The following OR7D2 variants were observed in gnomAD, a reference collection of about 807,000 sequenced individuals.
OR7D2 encodes olfactory receptor family 7 subfamily D member 2, also known as olfactory receptor 7D2.
For missense variants in OR7D2, 370 were observed against 384.1 expected (o/e 0.96, Z 0.31); for synonymous variants, 158 against 158.7 (o/e 1.00, Z 0.03).
chr19:9,180,003 A>G (rs1375049083), intron 1 of OR7D2, among the ~76,000 whole-genome samples: 1 of 45,728 alleles, frequency 2.2e-5, no homozygotes, highest in Non-Finnish European at 3.8e-5. Context: ...AACTCCGTCT[A>G]AAAAAAAAAA....
rs377039425 is a variant in OR7D2 at position 9,186,690 on chromosome 19, T to A, written c.909T>A (p.Ser303Arg). 43 of 1,611,798 alleles carry A rather than the reference T, an allele frequency of 2.7e-5. No homozygotes were observed. The African/African-American group carries it at 4.0e-4, about 15-fold the overall frequency. Reference protein sequence around the residue: ...RNKDVKGALGSLLSRAASCL With the variant: ...RNKDVKGALGRLLSRAASCL ...AGGATGTGAAGGGAGCCCTGGGGAG[T>A]CTCCTCAGCAGGGCAGCCTCTTGTT... The change falls in exon 3 of 3, where the codon AGT becomes AGA. Residue 303 changes from serine to arginine, a missense_variant. Physicochemically the swap from Ser to Arg is moderately radical, Grantham distance 110. Coordinates refer to ENST00000641288, the MANE Select transcript of OR7D2 (RefSeq NM_175883.4).
chr19:9,186,518 C>T lies in OR7D2; in HGVS notation c.737C>T (p.Ser246Phe), dbSNP rs774801807. The T allele has an allele frequency of 3.1e-6, 5 of 1,613,886 alleles. No homozygotes were observed. In the East Asian group the frequency reaches 8.9e-5, roughly 29 times the overall value. The change falls in exon 3 of 3, where the codon TCC (serine) becomes TTC (phenylalanine). Residue 246 changes from serine (S) to phenylalanine (F), a missense_variant. Ser to Phe is a radical substitution (Grantham distance 155, BLOSUM62 -2). Transcript: ENST00000641288. ...KALSTCGSHL[S>F]VVSLFYGTGI... ...CTTTCCACCTGTGGGTCTCACCTCTCCGTCGTTTCTTTATTTTATGGGACA... is the reference window on the plus strand; with the variant it reads ...CTTTCCACCTGTGGGTCTCACCTCTTCGTCGTTTCTTTATTTTATGGGACA...
chr19:9,187,349 A>G lies in OR7D2; in HGVS notation c.*629A>G, dbSNP rs1440571912. 1 of 166,828 alleles carries G rather than the reference A, an allele frequency of 6.0e-6. No individual in the cohort carries two copies. Among genetic ancestry groups the G allele is most frequent in the Non-Finnish European group, 1.5e-5 (1 of 68,144 alleles). 10.3% of individuals were successfully genotyped at this position (166,828 alleles called of 1,614,324 possible). ...TTTGACTTTGTTTCTTTACTACCTT[A>G]CTTAAGAGAATGGCTTCCAGTCCCA... On this transcript the variant is annotated 3_prime_UTR_variant, in exon 3 of 3. Transcript: ENST00000641288.
Position 9,186,845 on chromosome 19 carries a change from T to A in OR7D2, c.*125T>A. The A allele has an allele frequency of 7.2e-6, 5 of 691,390 alleles. No individual in the cohort carries two copies. The highest frequency in any genetic ancestry group is 9.5e-6 in the Non-Finnish European group (4 of 422,742). The allele number at this position is 691,390 out of a possible 1,614,324, so 42.8% of individuals were successfully genotyped here. On this transcript the variant is annotated 3_prime_UTR_variant, in exon 3 of 3. Coordinates refer to ENST00000641288, the MANE Select transcript of OR7D2 (RefSeq NM_175883.4). The stretch of plus-strand genomic sequence containing the variant: ...ATACTTTGAGAGTACAAATGCAGAT[T>A]TCTTAACATGCATTTGCATAAGGGT...
In OR7D2 at chr19:9,186,228, G is replaced by C; in HGVS notation, c.447G>C (p.Trp149Cys). ...HLCGLLVFVT[W>C]LIGVMTSLLH... is the part of the protein sequence containing the mutation. The stretch of plus-strand genomic sequence containing the variant: ...GTGGCCTCCTGGTTTTTGTCACCTG[G>C]CTCATTGGTGTCATGACATCCCTCC... The change falls in exon 3 of 3, where the codon TGG (tryptophan) becomes TGC (cysteine). Residue 149 changes from tryptophan to cysteine, a missense_variant. Coordinates refer to ENST00000641288, the MANE Select transcript of OR7D2 (RefSeq NM_175883.4). The C allele has an allele frequency of 6.2e-7, 1 of 1,614,014 alleles. No homozygotes were observed. Among genetic ancestry groups the C allele is most frequent in the Non-Finnish European group, 8.5e-7 (1 of 1,179,966 alleles).
At position 9,184,489 on chromosome 19, in the gene OR7D2, A is replaced by T. The variant is rs552582691; in HGVS notation, c.-13-1280A>T. ...AAAATAATAAAATCAAAAAGAAGAAATTTAAAATAAAAGAAATTTAAAATA... is the reference window on the plus strand; with the variant it reads ...AAAATAATAAAATCAAAAAGAAGAATTTTAAAATAAAAGAAATTTAAAATA... On this transcript the variant is annotated intron_variant, in intron 2 of 2. Coordinates refer to ENST00000641288, the MANE Select transcript of OR7D2 (RefSeq NM_175883.4). Among the ~76,000 whole-genome samples, 129 of 140,678 alleles carry T rather than the reference A, an allele frequency of 9.2e-4. 1 individual carries two copies. The highest frequency in any genetic ancestry group is 7.1e-3 in the Middle Eastern group (2 of 280). The allele number at this position is 140,678 out of a possible 152,430, so 92.3% of individuals were successfully genotyped here.
chr19:9,185,630 C>A (rs1599211590), intron 2 of OR7D2, 139 bp from the exon 3 acceptor site: 3 of 454,738 alleles, frequency 6.6e-6, no homozygotes. Context: ...ATTGCCCAGG[C>A]TGGAGTGCAG....
chr19:9,184,553 A>G (rs1483379621), intron 2 of OR7D2, among the ~76,000 whole-genome samples: 1 of 152,196 alleles, frequency 6.6e-6, no homozygotes, highest in Non-Finnish European at 1.5e-5. Flanking sequence ...CCTCCCCTGG[A>G]TATGTATCCA....
chr19:9,182,026 C>A (rs537015362), intron 2 of OR7D2, among the ~76,000 whole-genome samples: 1 of 152,240 alleles, frequency 6.6e-6, no homozygotes, highest in East Asian at 1.9e-4. Flanking sequence ...TTCTAGAATT[C>A]TATTTTGTTT....
intron 2 of OR7D2, chr19:9,182,937 T>A: frequency 2.2e-6 from 1 of 450,304 alleles, no homozygotes; most frequent in Non-Finnish European, 4.4e-6. Flanking sequence ...GTGCCCGATG[T>A]TAATGCACGT....
intron 2 of OR7D2, among the ~76,000 whole-genome samples, chr19:9,182,015 T>G (rs2050992763): frequency 6.6e-6 from 1 of 152,226 alleles, no homozygotes; most frequent in African/African-American, 2.4e-5. Flanking sequence ...GAGAGTCCAT[T>G]TTCTAGAATT....
chr19:9,179,225 T>C lies in OR7D2; in HGVS notation c.-105+102T>C, dbSNP rs148454829. On this transcript the variant is annotated intron_variant, in intron 1 of 2. Transcript: ENST00000641288. ...GAGATGGAGGTAACAGGGTTGATAA[T>C]GTCTCATGATTTTTAAAATGTCTCT... 66 of 151,554 alleles carry C rather than the reference T, an allele frequency of 4.4e-4. 1 individual carries two copies. In the East Asian group the frequency reaches 7.6e-3, roughly 17 times the overall value. The allele number at this position is 151,554 out of a possible 1,614,324, so 9.4% of individuals were successfully genotyped here. A position where few individuals can be genotyped will look rare whatever the true frequency, so the allele number is the denominator to read the frequency against.
chr19:9,183,101 G>C (rs2051002769), intron 2 of OR7D2: 1 of 288,080 alleles, frequency 3.5e-6, no homozygotes, highest in Non-Finnish European at 7.3e-6. Context: ...GTAGTTTCTC[G>C]TCAGGCCCAC....
intron 2 of OR7D2, among the ~76,000 whole-genome samples, chr19:9,184,031 C>A (rs561249092): frequency 1.4e-5 from 2 of 147,120 alleles, no homozygotes; most frequent in Admixed American, 6.8e-5. Flanking sequence ...AAGGGAACCC[C>A]TTGTGCCCTG....
chr19:9,179,156 T>C (rs898522555), intron 1 of OR7D2, 33 bp downstream of exon 1: 8 of 152,104 alleles, frequency 5.3e-5, no homozygotes, highest in African/African-American at 1.7e-4. Context: ...TCCTTGTTAG[T>C]ACCGTGTGTG....
At chr19:9,182,748 C>A (rs1009693477) in intron 2 of OR7D2, 26 of 165,668 alleles carry the variant, frequency 1.6e-4, no homozygotes, top group African/African-American at 5.7e-4. Flanking sequence ...GTCTCGATCT[C>A]CTGACCTGGT....
intron 2 of OR7D2, among the ~76,000 whole-genome samples, chr19:9,185,082 A>G (rs114054909): frequency 0.039 from 5,931 of 152,244 alleles, 161 homozygotes; most frequent in African/African-American, 0.078. Context: ...TAGCAGATAT[A>G]TAGGATAAAC....
At chr19:9,179,849 C>A (rs1021388306) in intron 1 of OR7D2, among the ~76,000 whole-genome samples, 7 of 150,888 alleles carry the variant, frequency 4.6e-5, no homozygotes, top group African/African-American at 1.7e-4. Context: ...ACTAAAAATA[C>A]AAAATTAGCC....
rs1198871441 is a variant in OR7D2, at chr19:9,186,059, C to T, written c.278C>T (p.Ser93Phe). The T allele has an allele frequency of 6.2e-7, 1 of 1,614,158 alleles. No homozygotes were observed. The highest frequency in any genetic ancestry group is 1.1e-5 in the South Asian group (1 of 91,082). ...VNIQTENKAISYMDCLTQVYF... is the reference protein window; with the variant it reads ...VNIQTENKAIFYMDCLTQVYF... The stretch of plus-strand genomic sequence containing the variant: ...ATCCAGACCGAGAACAAAGCCATCT[C>T]CTACATGGACTGCCTCACACAGGTC... The change falls in exon 3 of 3, where the codon TCC becomes TTC. Residue 93 changes from serine to phenylalanine, a missense_variant. Coordinates refer to ENST00000641288, the MANE Select transcript of OR7D2 (RefSeq NM_175883.4).
Sources: allele counts gnomAD v4.1 joint callset (sites outside exome capture counted in the v4.1 genomes callset), GRCh38; gene constraint gnomAD v4.1.1; transcripts MANE v1.5; gene names NCBI Gene and HGNC (gene_info 2026-07-23, HGNC 2026-07-21).